The following DIAPH1 variants were observed in gnomAD, a reference collection of about 807,000 sequenced individuals.
DIAPH1 encodes the protein protein diaphanous homolog 1.
A neutral mutation model predicts 140.7 loss-of-function variants in DIAPH1; 46 were observed. The ratio of observed to expected loss-of-function variants is 0.33; its 90% CI spans 0.26 to 0.42. The LOEUF (loss-of-function observed/expected upper bound fraction) is 0.42. Among genes scored for constraint, DIAPH1 ranks in the 10% least tolerant of loss-of-function variants. The probability of loss-of-function intolerance (pLI) is 1.00; values close to 1 mark genes in which losing one functional copy is unlikely to be tolerated. For missense variants in DIAPH1, 1,310 were observed against 1,558.7 expected, an observed-to-expected ratio of 0.84 and a Z score of 2.69; for synonymous variants, 565 against 551.6, an observed-to-expected ratio of 1.02 and a Z score of -0.34.
chr5:141,592,986 GA>G (rs1374749960), intron 1 of DIAPH1, among the ~76,000 whole-genome samples: 3 of 152,148 alleles, frequency 2.0e-5, no homozygotes, highest in African/African-American at 7.2e-5. Context: ...GTGATGCAAG[GA>G]AAGAGCCTAC....
At chr5:141,519,026 C>G (rs1169819096) in intron 27 of DIAPH1, 2 of 1,547,184 alleles carry the variant, frequency 1.3e-6, no homozygotes, top group African/African-American at 2.7e-5. Context: ...TAGTGAAGAC[C>G]CTGACTGACA....
chr5:141,605,637 T>C (rs2099900804), intron 1 of DIAPH1, among the ~76,000 whole-genome samples: 1 of 152,198 alleles, frequency 6.6e-6, no homozygotes, highest in Non-Finnish European at 1.5e-5. Flanking sequence ...GTCTAAAACC[T>C]AGGTCATCTA....
Position 141,573,518 on chromosome 5 carries a change from G to A in DIAPH1, c.2332C>T (p.Gln778Ter), listed in dbSNP as rs730882242. Residue 778 changes from glutamine (Q) to a stop codon, truncating the protein, a stop_gained, in exon 16 of 28, where the codon CAG becomes TAG. Coordinates refer to ENST00000389054, the MANE Select transcript of DIAPH1 (RefSeq NM_005219.5). LOFTEE classifies it high-confidence loss of function. ...TTGGACCAGTTTGGCCTCCGGAGCT[G>A]CACCTCTGGCTTATAAAGCTTTTTG... The part of the protein sequence containing the change: ...TPKKLYKPEV[Q>*]LRRPNWSKLV... The A allele has an allele frequency of 1.9e-6, 3 of 1,612,818 alleles. No homozygotes were observed. The Middle Eastern group carries it at 5.1e-4, about 272-fold the overall frequency.
chr5:141,582,138 G>GA, intron 7 of DIAPH1, 174 bp downstream of exon 7: 2 of 466,004 alleles, frequency 4.3e-6, no homozygotes, highest in Non-Finnish European at 4.0e-6. Flanking sequence ...TTAGAACTGA[G>GA]AAAAAAATAT....
chr5:141,594,060 T>C (rs1384520487), intron 1 of DIAPH1, among the ~76,000 whole-genome samples: 5 of 152,204 alleles, frequency 3.3e-5, no homozygotes. Context: ...CCTCCCAAAG[T>C]GCTGGGATTT....
At chr5:141,598,701 ACAAC>A (rs1554211849) in intron 1 of DIAPH1, among the ~76,000 whole-genome samples, 1 of 152,120 alleles carries the variant, frequency 6.6e-6, no homozygotes, top group Non-Finnish European at 1.5e-5. Context: ...AACAACAACA[ACAAC>A]AAAAAAGTCA....
At chr5:141,586,525 G>C (rs1034825155) in intron 3 of DIAPH1, among the ~76,000 whole-genome samples, 13 of 152,188 alleles carry the variant, frequency 8.5e-5, no homozygotes, top group Non-Finnish European at 1.8e-4. Flanking sequence ...GGACAACAAA[G>C]TAAGTCACAT....
At position 141,591,695 on chromosome 5, in the gene DIAPH1, G is replaced by GATATATATATATATATATATATATAT. The variant is rs56117502; in HGVS notation, c.118-3471_118-3446dup. Among the ~76,000 whole-genome samples, 173 of 86,278 alleles carry GATATATATATATATATATATATATAT rather than the reference G, an allele frequency of 2.0e-3. 4 individuals carry two copies. The highest frequency in any genetic ancestry group is 2.8e-3 in the African/African-American group (49 of 17,452). The allele number at this position is 86,278 out of a possible 152,430, so 56.6% of individuals were successfully genotyped here. A position where few individuals can be genotyped will look rare whatever the true frequency, so the allele number is the denominator to read the frequency against. ...TGGAAAAGGAAGGAAGGGAGATGGG[G>GATATATATATATATATATATATATAT]ATATATATATATATATATATATATA... On this transcript the variant is annotated intron_variant, in intron 1 of 27. Coordinates refer to ENST00000389054, the MANE Select transcript of DIAPH1 (RefSeq NM_005219.5).
chr5:141,562,625 A>C (rs978344649), intron 18 of DIAPH1, among the ~76,000 whole-genome samples: 1,583 of 97,900 alleles, frequency 0.016, 47 homozygotes, highest in African/African-American at 0.047. Context: ...AAAAACAAAC[A>C]AAAAAAAACA....
intron 18 of DIAPH1, among the ~76,000 whole-genome samples, chr5:141,543,269 G>A (rs1183795440): frequency 6.6e-6 from 1 of 152,136 alleles, no homozygotes; most frequent in Admixed American, 6.5e-5. Context: ...GACACAAAGG[G>A]CACATACTTT....
chr5:141,548,359 GC>G (rs1449256589), intron 18 of DIAPH1, among the ~76,000 whole-genome samples: 2 of 150,752 alleles, frequency 1.3e-5, no homozygotes, highest in African/African-American at 4.9e-5. Flanking sequence ...CAATTCATTA[GC>G]AGCAGACCTG....
intron 14 of DIAPH1, among the ~76,000 whole-genome samples, chr5:141,575,567 T>C (rs1230883607): frequency 6.6e-5 from 10 of 151,762 alleles, no homozygotes; most frequent in Admixed American, 5.9e-4. Flanking sequence ...GAGAACTGCT[T>C]GAACCCAGGA....
intron 18 of DIAPH1, among the ~76,000 whole-genome samples, chr5:141,553,089 G>C (rs896342983): frequency 6.6e-6 from 1 of 151,890 alleles, no homozygotes; most frequent in Non-Finnish European, 1.5e-5. Flanking sequence ...AGGAGTTCAA[G>C]ACCAGCCTAG....
chr5:141,615,599 C>T (rs1213691941), intron 1 of DIAPH1, among the ~76,000 whole-genome samples: 1 of 151,612 alleles, frequency 6.6e-6, no homozygotes, highest in Non-Finnish European at 1.5e-5. Flanking sequence ...AAAAATTAGC[C>T]AGGCGTGGTG....
In DIAPH1 at chr5:141,612,459, T is replaced by C. The variant is rs570698047; in HGVS notation, c.117+6339A>G. On this transcript the variant is annotated intron_variant, in intron 1 of 27. Coordinates refer to ENST00000389054, the MANE Select transcript of DIAPH1 (RefSeq NM_005219.5). The stretch of plus-strand genomic sequence containing the variant: ...AATTGTGTAAATCCATACAATGTAA[T>C]AGTACTCAGCAATATAAAGGATTAA... Among the ~76,000 whole-genome samples, 5 of 152,308 alleles carry C rather than the reference T, an allele frequency of 3.3e-5. No individual in the cohort carries two copies. The South Asian group carries it at 6.2e-4, about 19-fold the overall frequency.
In DIAPH1 at chr5:141,516,715, G is replaced by A. The variant is rs2099885739; in HGVS notation, c.*136C>T. The A allele has an allele frequency of 2.2e-6, 2 of 927,866 alleles. No individual in the cohort carries two copies. Among genetic ancestry groups the A allele is most frequent in the East Asian group, 5.2e-5 (2 of 38,466 alleles). 57.5% of individuals were successfully genotyped at this position (927,866 alleles called of 1,614,324 possible). ...GTATGTGATGTTGAGAGAGCAGCAGGCCAGAGAGAAAGACAGGGTCAGGGT... is the reference window on the plus strand; with the variant it reads ...GTATGTGATGTTGAGAGAGCAGCAGACCAGAGAGAAAGACAGGGTCAGGGT... On this transcript the variant is annotated 3_prime_UTR_variant, in exon 28 of 28. Coordinates refer to ENST00000389054, the MANE Select transcript of DIAPH1 (RefSeq NM_005219.5).
chr5:141,571,460 G>A (rs201685611), intron 17 of DIAPH1, 24 bp from the exon 18 acceptor site: 3 of 1,606,390 alleles, frequency 1.9e-6, no homozygotes, highest in Non-Finnish European at 8.5e-7. Flanking sequence ...GTGCCAGGAG[G>A]GAGAAGGCAT....
chr5:141,589,990 A>G (rs2099898152), intron 1 of DIAPH1, among the ~76,000 whole-genome samples: 1 of 151,512 alleles, frequency 6.6e-6, no homozygotes, highest in South Asian at 2.1e-4. Context: ...GGCTCAAGTG[A>G]TCTGCCCGCC....
At chr5:141,595,335 T>C (rs1393626787) in intron 1 of DIAPH1, among the ~76,000 whole-genome samples, 2 of 152,186 alleles carry the variant, frequency 1.3e-5, no homozygotes, top group African/African-American at 4.8e-5. Flanking sequence ...GCTGATGTGT[T>C]AATGCAGGCT....
Sources: gnomAD v4.1 joint callset for allele counts (sites outside exome capture counted in the v4.1 genomes callset) on GRCh38, gnomAD v4.1.1 for gene constraint, MANE v1.5 for transcripts, NCBI Gene and HGNC (gene_info 2026-07-23, HGNC 2026-07-21) for gene names.